NAV3: variants seen among roughly 807,000 people sequenced by gnomAD.
NAV3 encodes the protein neuron navigator 3.
Under a neutral mutation model 244.7 loss-of-function variants are expected in NAV3, and 87 were observed. That is an observed-to-expected ratio of 0.36 (90% CI 0.30 to 0.42). The LOEUF is 0.42. Among genes scored for constraint, NAV3 ranks in the 20% least tolerant of loss-of-function variants. NAV3 has a pLI of 1.00. For missense variants in NAV3, 2,663 were observed against 2,893.3 expected, an observed-to-expected ratio of 0.92 and a Z score of 1.83; for synonymous variants, 1,126 against 1,042.2, an observed-to-expected ratio of 1.08 and a Z score of -1.55.
chr12:78,090,575 T>G (rs758302389), intron 12 of NAV3, among the ~76,000 whole-genome samples: 1 of 152,170 alleles, frequency 6.6e-6, no homozygotes, highest in Non-Finnish European at 1.5e-5. Context: ...CAATTCTAAA[T>G]AGAACCTTAT....
intron 2 of NAV3, among the ~76,000 whole-genome samples, chr12:77,623,115 G>A (rs1428211055): frequency 6.6e-6 from 1 of 152,068 alleles, no homozygotes; most frequent in African/African-American, 2.4e-5. Flanking sequence ...TGGATGTCTT[G>A]GTATAGGATG....
At position 77,750,655 on chromosome 12, in the gene NAV3, C is replaced by A. The variant is rs746475422; in HGVS notation, c.72+178389C>A. Among the ~76,000 whole-genome samples, 4 of 152,000 alleles carry A rather than the reference C, an allele frequency of 2.6e-5. No individual in the cohort carries two copies. The South Asian group carries it at 6.2e-4, about 24-fold the overall frequency. On this transcript the variant is annotated intron_variant, in intron 2 of 8. Transcript: ENST00000550042. ...GTTTGGCTTTCTGGGCCTTGTAAAG[C>A]AAATGGATCTCAGGGCTCCATTTAA...
intron 2 of NAV3, among the ~76,000 whole-genome samples, chr12:77,812,592 G>GT (rs1872341622): frequency 6.6e-6 from 1 of 151,594 alleles, no homozygotes; most frequent in Non-Finnish European, 1.5e-5. Flanking sequence ...TTTTTGTCTC[G>GT]TTAGTAGAGA....
At chr12:77,995,932 T>C (rs1272723783) in intron 6 of NAV3, among the ~76,000 whole-genome samples, 1 of 152,128 alleles carries the variant, frequency 6.6e-6, no homozygotes, top group East Asian at 1.9e-4. Context: ...CTCTCCTCTC[T>C]GCTTCATCTC....
At chr12:77,960,090 G>A (rs758749369) in intron 3 of NAV3, among the ~76,000 whole-genome samples, 1 of 151,812 alleles carries the variant, frequency 6.6e-6, no homozygotes, top group African/African-American at 2.4e-5. Flanking sequence ...GGTCCTGGGG[G>A]TAGGAGGGTA....
At chr12:77,956,778 G>C (rs554622757) in intron 3 of NAV3, among the ~76,000 whole-genome samples, 1 of 152,042 alleles carries the variant, frequency 6.6e-6, no homozygotes, top group South Asian at 2.1e-4. Context: ...GTCTCACTCT[G>C]TCACCCAGGC....
intron 34 of NAV3, among the ~76,000 whole-genome samples, chr12:78,196,215 A>T (rs1959172269): frequency 6.6e-6 from 1 of 152,082 alleles, no homozygotes; most frequent in South Asian, 2.1e-4. Context: ...TTATGTGATT[A>T]GCTCAATAGA....
chr12:77,661,105 G>C (rs371109065), intron 2 of NAV3, among the ~76,000 whole-genome samples: 8 of 152,074 alleles, frequency 5.3e-5, no homozygotes, highest in South Asian at 2.1e-4. Context: ...TTTTTCTGGA[G>C]AGAGATTGTT....
Position 78,006,862 on chromosome 12 carries a change from G to A in NAV3, c.1324G>A (p.Val442Met), listed in dbSNP as rs1489648748. The part of the protein sequence containing the change: ...SGGSTNSSPK[V>M]SPKLAPPKAG... ...TGGCTCAACAAATAGCAGTCCCAAA[G>A]TGTCACCTAAGTTGGCCCCTCCAAA... Residue 442 changes from valine to methionine, a missense_variant, in exon 8 of 40, where the codon GTG becomes ATG. Physicochemically the swap from Val to Met is conservative, Grantham distance 21. This residue lies in a region of NAV3 where 1,521 missense variants were observed against 1,497.0 expected (regional missense o/e 1.02). Transcript: ENST00000397909. 1 of 1,614,026 alleles carries A rather than the reference G, an allele frequency of 6.2e-7. No homozygotes were observed. Among genetic ancestry groups the A allele is most frequent in the Non-Finnish European group, 8.5e-7 (1 of 1,180,040 alleles).
chr12:77,940,039 T>C (rs2731433), intron 1 of NAV3, among the ~76,000 whole-genome samples: 128,084 of 152,170 alleles, frequency 0.84, 54,029 homozygotes, highest in East Asian at 0.98. Context: ...TGATTTGCAA[T>C]GGGAGTTTCC....
At chr12:78,053,325 C>T (rs1883039956) in intron 11 of NAV3, among the ~76,000 whole-genome samples, 1 of 151,892 alleles carries the variant, frequency 6.6e-6, no homozygotes, top group South Asian at 2.1e-4. Flanking sequence ...TACTTCTCTT[C>T]TATGAAGTCA....
At chr12:77,719,449 A>G (rs1450949524) in intron 2 of NAV3, among the ~76,000 whole-genome samples, 1 of 147,176 alleles carries the variant, frequency 6.8e-6, no homozygotes. Flanking sequence ...GTGGGTTTTT[A>G]TATTGCTGTT....
At chr12:77,899,541 A>G (rs1408813357) in intron 1 of NAV3, among the ~76,000 whole-genome samples, 1 of 152,236 alleles carries the variant, frequency 6.6e-6, no homozygotes, top group Non-Finnish European at 1.5e-5. Context: ...TGCACATTAC[A>G]TTTTTAGACG....
chr12:77,704,732 A>G (rs902556110), intron 2 of NAV3, among the ~76,000 whole-genome samples: 1 of 152,160 alleles, frequency 6.6e-6, no homozygotes, highest in East Asian at 1.9e-4. Context: ...TGGTTAAAAG[A>G]TATGTTACAA....
chr12:78,138,839 TG>T, intron 19 of NAV3, among the ~76,000 whole-genome samples: 1 of 152,302 alleles, frequency 6.6e-6, no homozygotes, highest in South Asian at 2.1e-4. Context: ...ATGGCTTTTT[TG>T]TGCTCACGCA....
chr12:77,683,227 C>G (rs1052885295), intron 2 of NAV3, among the ~76,000 whole-genome samples: 2 of 152,050 alleles, frequency 1.3e-5, no homozygotes, highest in Non-Finnish European at 2.9e-5. Context: ...CATTCTTTTG[C>G]ATGTGGTTTT....
At chr12:78,106,972 T>C (rs542934901) in intron 12 of NAV3, among the ~76,000 whole-genome samples, 1 of 152,214 alleles carries the variant, frequency 6.6e-6, no homozygotes, top group Admixed American at 6.5e-5. Context: ...AAAGAAATCA[T>C]AGAGAGACTA....
chr12:77,604,486 G>T (rs1197049541), intron 2 of NAV3, among the ~76,000 whole-genome samples: 1 of 151,770 alleles, frequency 6.6e-6, no homozygotes, highest in African/African-American at 2.4e-5. Flanking sequence ...CCAGGGTCTG[G>T]CACAGAGCAG....
At chr12:77,892,670 C>T (rs1296374430) in intron 1 of NAV3, among the ~76,000 whole-genome samples, 4 of 152,204 alleles carry the variant, frequency 2.6e-5, no homozygotes, top group Non-Finnish European at 5.9e-5. Context: ...CCACCTTGGC[C>T]TCTCAACGTG....
Sources: gnomAD v4.1 joint callset for allele counts (sites outside exome capture counted in the v4.1 genomes callset) on GRCh38, gnomAD v4.1.1 for gene constraint, gnomAD v4.1.1 regional missense constraint, MANE v1.5 for transcripts, NCBI Gene and HGNC (gene_info 2026-07-23, HGNC 2026-07-21) for gene names.